ATF7IP2: variants seen among roughly 807,000 people sequenced by gnomAD.
The protein encoded by ATF7IP2 is activating transcription factor 7-interacting protein 2.
Under a neutral mutation model 64.2 loss-of-function variants are expected in ATF7IP2, and 42 were observed. The observed-to-expected ratio is 0.65, with a 90% confidence interval of 0.51 to 0.85. The LOEUF (loss-of-function observed/expected upper bound fraction) is 0.85. Among genes scored for constraint, ATF7IP2 ranks in the 40% least tolerant of loss-of-function variants. The pLI is 0.00. For synonymous variants in ATF7IP2, 308 were observed against 272.8 expected (o/e 1.13, Z -1.27); for missense variants, 933 against 784.2 (o/e 1.19, Z -2.27).
At chr16:10,388,835 C>T (rs2047261329) in intron 1 of ATF7IP2, among the ~76,000 whole-genome samples, 1 of 151,800 alleles carries the variant, frequency 6.6e-6, no homozygotes. Flanking sequence ...ATGGTGAAAC[C>T]CCGTCTCCAC....
At chr16:10,392,445 A>C (rs947324316) in intron 1 of ATF7IP2, among the ~76,000 whole-genome samples, 2 of 151,354 alleles carry the variant, frequency 1.3e-5, no homozygotes, top group African/African-American at 4.9e-5. Context: ...GGTGTGAGCC[A>C]CTGCTCCCAG....
intron 9 of ATF7IP2, among the ~76,000 whole-genome samples, chr16:10,467,819 C>T (rs1477352030): frequency 6.6e-6 from 1 of 151,638 alleles, no homozygotes; most frequent in Non-Finnish European, 1.5e-5. Flanking sequence ...CCACAAAGTG[C>T]TGGGATTACA....
chr16:10,401,725 A>G (rs1466205790), intron 1 of ATF7IP2, among the ~76,000 whole-genome samples: 1 of 147,212 alleles, frequency 6.8e-6, no homozygotes, highest in African/African-American at 2.5e-5. Flanking sequence ...CTGTGAATCC[A>G]TCTGGTTATG....
intron 8 of ATF7IP2, among the ~76,000 whole-genome samples, chr16:10,454,601 C>A (rs2049106494): frequency 6.6e-6 from 1 of 151,572 alleles, no homozygotes; most frequent in Non-Finnish European, 1.5e-5. Flanking sequence ...TCTTTATTGT[C>A]TTTCTTTTAC....
chr16:10,391,411 A>C (rs573183502), intron 1 of ATF7IP2, among the ~76,000 whole-genome samples: 12 of 152,226 alleles, frequency 7.9e-5, no homozygotes, highest in African/African-American at 2.6e-4. Flanking sequence ...CAAGAGTGAA[A>C]CTCTGTGTCA....
intron 8 of ATF7IP2, among the ~76,000 whole-genome samples, chr16:10,443,814 G>A (rs952337086): frequency 6.6e-6 from 1 of 152,142 alleles, no homozygotes; most frequent in Non-Finnish European, 1.5e-5. Context: ...AGGGTCAATG[G>A]AAGTAGAAGT....
At chr16:10,447,017 G>A (rs988723968) in intron 8 of ATF7IP2, 1 of 151,998 alleles carries the variant, frequency 6.6e-6, no homozygotes, top group Non-Finnish European at 1.5e-5. Flanking sequence ...AGGGAATTTA[G>A]GTCCCTCTTA....
In ATF7IP2 at chr16:10,482,822, A is replaced by G. The variant is rs534509754; in HGVS notation, c.*573A>G. On this transcript the variant is annotated 3_prime_UTR_variant, in exon 14 of 14. Transcript: ENST00000562102. ...AACCTCCATCTCCCTGGTTCAAGCA[A>G]TTCTCCTATGTCAGCCTCCCAAGTA... 1.1e-4 allele frequency: 17 copies of G among 152,292 alleles called. No individual in the cohort carries two copies. The highest frequency in any genetic ancestry group is 4.1e-4 in the African/African-American group (17 of 41,560). 9.4% of individuals were successfully genotyped at this position (152,292 alleles called of 1,614,324 possible).
In ATF7IP2 at chr16:10,466,545, T is replaced by G. The variant is rs190179599; in HGVS notation, c.1353-5565T>G. On this transcript the variant is annotated intron_variant, in intron 9 of 13. Transcript: ENST00000562102. ...CCTTGCCAACTCTTGGTGGTATCTC[T>G]TTCTTTTTAGCCATACTGGTGTATA... is the stretch of plus-strand genomic sequence containing the variant. Among the ~76,000 whole-genome samples, 12 of 152,314 alleles carry G rather than the reference T, an allele frequency of 7.9e-5. No individual in the cohort carries two copies. In the East Asian group the frequency reaches 2.1e-3, roughly 27 times the overall value.
At chr16:10,403,903 A>G (rs537633833) in intron 1 of ATF7IP2, among the ~76,000 whole-genome samples, 14 of 152,352 alleles carry the variant, frequency 9.2e-5, no homozygotes, top group South Asian at 2.1e-4. Context: ...AAAATAATAT[A>G]TAAGACTGAA....
rs1431171030 is a variant in ATF7IP2 at position 10,388,152 on chromosome 16, A to G, written c.-242+2030A>G. Among the ~76,000 whole-genome samples the G allele has an allele frequency of 2.0e-5, 3 of 152,082 alleles. No homozygotes were observed. In the East Asian group the frequency reaches 5.8e-4, roughly 29 times the overall value. Reference sequence around the variant, plus strand: ...GTGATCAGCCCGCCTCTGCCTCCCAAAGTGCTAGGATGACAGGCGCTAGTC... The same window carrying G: ...GTGATCAGCCCGCCTCTGCCTCCCAGAGTGCTAGGATGACAGGCGCTAGTC... On this transcript the variant is annotated intron_variant, in intron 1 of 13. Coordinates refer to ENST00000562102, the MANE Select transcript of ATF7IP2 (RefSeq NM_001393719.1).
chr16:10,456,116 A>C (rs1468865341), intron 8 of ATF7IP2, among the ~76,000 whole-genome samples: 2 of 152,006 alleles, frequency 1.3e-5, no homozygotes, highest in African/African-American at 4.8e-5. Context: ...AGTAGCTGGG[A>C]TTACCGGGGT....
intron 8 of ATF7IP2, among the ~76,000 whole-genome samples, chr16:10,442,290 C>T (rs539555029): frequency 6.6e-6 from 1 of 152,274 alleles, no homozygotes; most frequent in African/African-American, 2.4e-5. Flanking sequence ...CAATTTTCCC[C>T]CTCTTGAATT....
chr16:10,454,835 T>C (rs1197414098), intron 8 of ATF7IP2, among the ~76,000 whole-genome samples: 2 of 152,254 alleles, frequency 1.3e-5, no homozygotes, highest in East Asian at 3.8e-4. Flanking sequence ...CTTTGACATA[T>C]GAATTATTTG....
chr16:10,462,600 A>G, intron 9 of ATF7IP2, among the ~76,000 whole-genome samples: 1 of 152,062 alleles, frequency 6.6e-6, no homozygotes, highest in Non-Finnish European at 1.5e-5. Flanking sequence ...ATAAGTCTCT[A>G]GCTGCTTTTA....
At chr16:10,473,758 T>C (rs931793455) in intron 11 of ATF7IP2, among the ~76,000 whole-genome samples, 165 bp from the exon 12 acceptor site, 2 of 152,208 alleles carry the variant, frequency 1.3e-5, no homozygotes, top group African/African-American at 4.8e-5. Context: ...ATAAGAGCTT[T>C]TTAATAGTAG....
rs754042924 is a variant in ATF7IP2 at position 10,473,509 on chromosome 16, G to C, written c.1457G>C (p.Ser486Thr). 1.9e-6 allele frequency: 3 copies of C among 1,570,756 alleles called. No homozygotes were observed. Among genetic ancestry groups the C allele is most frequent in the Non-Finnish European group, 8.7e-7 (1 of 1,146,518 alleles). ...AGAAAAATTACATCAGGAAATTCTA[G>C]CAATTCTCCCAATGCTGAAGTTATG... ...DTRKITSGNS[S>T]NSPNAEVMAV... Residue 486 changes from serine (S) to threonine (T), a missense_variant, in exon 11 of 14, where the codon AGC (serine) becomes ACC (threonine). By Grantham distance (58) the Ser-to-Thr change is moderately conservative. Coordinates refer to ENST00000562102, the MANE Select transcript of ATF7IP2 (RefSeq NM_001393719.1).
chr16:10,391,910 AAAG>A (rs1403178026), intron 1 of ATF7IP2, among the ~76,000 whole-genome samples: 2 of 151,972 alleles, frequency 1.3e-5, no homozygotes, highest in African/African-American at 4.8e-5. Context: ...AAAAAAAAGA[AAAG>A]GAGGGACAGC....
intron 8 of ATF7IP2, among the ~76,000 whole-genome samples, chr16:10,443,969 A>G: frequency 6.6e-6 from 1 of 152,134 alleles, no homozygotes; most frequent in South Asian, 2.1e-4. Flanking sequence ...TCCAATAAAC[A>G]CGTTCCCAAG....
Sources: allele counts gnomAD v4.1 joint callset (sites outside exome capture counted in the v4.1 genomes callset), GRCh38; gene constraint gnomAD v4.1.1; transcripts MANE v1.5; gene names NCBI Gene and HGNC (gene_info 2026-07-23, HGNC 2026-07-21).